The following SLCO1C1 variants were observed in gnomAD, a reference collection of about 807,000 sequenced individuals.
SLCO1C1 encodes solute carrier organic anion transporter family member 1C1.
A neutral mutation model predicts 76.4 loss-of-function variants in SLCO1C1; 70 were observed. That is an observed-to-expected ratio of 0.92 (90% CI 0.76 to 1.12). The LOEUF (loss-of-function observed/expected upper bound fraction) is 1.12, where lower values mean the gene tolerates loss of function less well. Among genes scored for constraint, SLCO1C1 ranks in the 50% most tolerant of loss-of-function variants. SLCO1C1 has a pLI of 0.00. For missense variants in SLCO1C1, 912 were observed against 823.8 expected, an observed-to-expected ratio of 1.11 and a Z score of -1.31; for synonymous variants, 306 against 286.1, an observed-to-expected ratio of 1.07 and a Z score of -0.70.
Position 20,740,208 on chromosome 12 carries a change from G to C in SLCO1C1, c.1573G>C (p.Gly525Arg). ...GATATTTTACAACTGCACTTGTGTG[G>C]GAATTGCAGCTTCTAAATCCGGAAA... ...NIIFYNCTCV[G>R]IAASKSGNSS... The change falls in exon 12 of 15, where the codon GGA (glycine) becomes CGA (arginine). Residue 525 changes from glycine to arginine, a missense_variant. Physicochemically the swap from Gly to Arg is moderately radical, Grantham distance 125 (BLOSUM62 -2). Coordinates refer to ENST00000266509, the MANE Select transcript of SLCO1C1 (RefSeq NM_017435.5). The C allele has an allele frequency of 6.2e-7, 1 of 1,611,982 alleles. No homozygotes were observed. The highest frequency in any genetic ancestry group is 8.5e-7 in the Non-Finnish European group (1 of 1,179,314).
chr12:20,707,732 TG>T (rs1386232042), intron 4 of SLCO1C1, among the ~76,000 whole-genome samples: 1 of 152,184 alleles, frequency 6.6e-6, no homozygotes, highest in African/African-American at 2.4e-5. Flanking sequence ...TAACCAGCAA[TG>T]GTTTTGTCTT....
rs1292753494 is a variant in SLCO1C1 at position 20,715,152 on chromosome 12, C to T, written c.543C>T (p.Asp181=). Reference sequence around the variant, plus strand: ...CTTTCTTTCAAGAATGTGAAGTGGACACTAGCTCTTCCATGTGGATTTATG... The same window carrying T: ...CTTTCTTTCAAGAATGTGAAGTGGATACTAGCTCTTCCATGTGGATTTATG... ...KSKISNECEV[D]TSSSMWIYVF... The change falls in exon 6 of 15, where the codon GAC becomes GAT. Residue 181 remains aspartate (D), a synonymous_variant. Transcript: ENST00000266509. 1 of 1,614,028 alleles carries T rather than the reference C, an allele frequency of 6.2e-7. No individual in the cohort carries two copies. The highest frequency in any genetic ancestry group is 1.7e-5 in the Admixed American group (1 of 60,020).
chr12:20,706,111 C>T (rs1474949128), intron 4 of SLCO1C1, 30 bp downstream of exon 4: 3 of 1,564,306 alleles, frequency 1.9e-6, no homozygotes, highest in South Asian at 1.2e-5. Flanking sequence ...CTTTTCCTTG[C>T]CTTTCCAAAC....
chr12:20,712,168 A>G (rs11045401), intron 5 of SLCO1C1, among the ~76,000 whole-genome samples: 36,013 of 152,002 alleles, frequency 0.24, 4,555 homozygotes, highest in Non-Finnish European at 0.27. Context: ...TCTTAGATAC[A>G]TGGAAATAAC....
rs571687213 is a variant in SLCO1C1, at chr12:20,715,141, T to C, written c.532T>C (p.Cys178Arg). The change falls in exon 6 of 15, where the codon TGT becomes CGT. Residue 178 changes from cysteine to arginine, a missense_variant and splice_region_variant. Coordinates refer to ENST00000266509, the MANE Select transcript of SLCO1C1 (RefSeq NM_017435.5). ...EKSKSKISNE[C>R]EVDTSSSMWI... ...CTCTGGTTTGCCTTTCTTTCAAGAA[T>C]GTGAAGTGGACACTAGCTCTTCCAT... is the stretch of plus-strand genomic sequence containing the variant. The C allele has an allele frequency of 6.3e-5, 101 of 1,613,846 alleles. No homozygotes were observed. The South Asian group carries it at 9.1e-4, about 15-fold the overall frequency.
chr12:20,700,727 T>C (rs1342173428), intron 2 of SLCO1C1, among the ~76,000 whole-genome samples: 3 of 152,058 alleles, frequency 2.0e-5, no homozygotes, highest in African/African-American at 7.2e-5. Flanking sequence ...CCTATGAATG[T>C]TCTATCACAG....
intron 13 of SLCO1C1, among the ~76,000 whole-genome samples, chr12:20,746,171 A>G (rs2120916116): frequency 6.6e-6 from 1 of 152,334 alleles, no homozygotes; most frequent in East Asian, 1.9e-4. Flanking sequence ...AACCAATTTG[A>G]GGAGACTGGC....
At chr12:20,736,106 A>G (rs1275656792) in intron 10 of SLCO1C1, among the ~76,000 whole-genome samples, 1 of 152,122 alleles carries the variant, frequency 6.6e-6, no homozygotes, top group Non-Finnish European at 1.5e-5. Context: ...GAAATGACAT[A>G]CCATTGCAAA....
At chr12:20,748,503 C>T (rs1949149811) in intron 13 of SLCO1C1, among the ~76,000 whole-genome samples, 2 of 152,156 alleles carry the variant, frequency 1.3e-5, no homozygotes, top group Admixed American at 6.5e-5. Flanking sequence ...CATTCTCACA[C>T]TTCAGAAATT....
Position 20,723,102 on chromosome 12 carries a change from C to T in SLCO1C1, c.1034C>T (p.Ser345Leu), listed in dbSNP as rs772363775. 6.2e-7 allele frequency: 1 copy of T among 1,602,296 alleles called. No homozygotes were observed. The highest frequency in any genetic ancestry group is 8.5e-7 in the Non-Finnish European group (1 of 1,176,394). Residue 345 changes from serine (S) to leucine (L), a missense_variant, in exon 9 of 15, where the codon TCA (serine) becomes TTA (leucine). Ser to Leu is a moderately radical substitution (Grantham distance 145). Coordinates refer to ENST00000266509, the MANE Select transcript of SLCO1C1 (RefSeq NM_017435.5). Reference protein sequence around the residue: ...IMEMARDFLPSLKNLFGNPVY... With the variant: ...IMEMARDFLPLLKNLFGNPVY... ...TTTTGTTTTACAGATTTTCTTCCAT[C>T]ACTGAAGAATCTTTTTGGAAACCCA...
At chr12:20,699,922 C>A in intron 2 of SLCO1C1, 4 of 390,630 alleles carry the variant, frequency 1.0e-5, no homozygotes, top group Non-Finnish European at 1.3e-5. Context: ...AAATGCCCCC[C>A]CAAACAGAAA....
chr12:20,731,867 AT>A (rs35721843), intron 9 of SLCO1C1, among the ~76,000 whole-genome samples: 38,965 of 151,584 alleles, frequency 0.26, 5,678 homozygotes, highest in African/African-American at 0.39. Flanking sequence ...ATTGCATGAC[AT>A]TTTTTTTTAC....
Position 20,711,521 on chromosome 12 carries a change from T to C in SLCO1C1, c.529+11T>C. The C allele has an allele frequency of 6.2e-7, 1 of 1,612,066 alleles. No individual in the cohort carries two copies. The highest frequency in any genetic ancestry group is 8.5e-7 in the Non-Finnish European group (1 of 1,179,262). ...CCAAAATAAGTAACGGTAAGATCAT[T>C]TTTTTGACTTGACTAAACAAGCTTT... On this transcript the variant is annotated intron_variant, in intron 5 of 14. Coordinates refer to ENST00000266509, the MANE Select transcript of SLCO1C1 (RefSeq NM_017435.5).
Position 20,737,247 on chromosome 12 carries a change from C to A in SLCO1C1, c.1523C>A (p.Thr508Asn). ...TCAGCTTGTCTTGCTGGTTGTCAAA[C>A]CTCCAACAGGAGTGGAAAAAATATT... ...YVSACLAGCQ[T>N]SNRSGKNIIF... is the part of the protein sequence containing the mutation. The change falls in exon 11 of 15, where the codon ACC (threonine) becomes AAC (asparagine). Residue 508 changes from threonine to asparagine, a missense_variant. Transcript: ENST00000266509. The A allele has an allele frequency of 6.4e-7, 1 of 1,565,594 alleles. No homozygotes were observed. The highest frequency in any genetic ancestry group is 1.2e-5 in the South Asian group (1 of 82,126).
rs543682868 is a variant in SLCO1C1 at position 20,716,980 on chromosome 12, G to A, written c.677-152G>A. 13 of 608,508 alleles carry A rather than the reference G, an allele frequency of 2.1e-5. No homozygotes were observed. In the East Asian group the frequency reaches 4.1e-4, roughly 19 times the overall value. 37.7% of individuals were successfully genotyped at this position (608,508 alleles called of 1,614,324 possible). A position where few individuals can be genotyped will look rare whatever the true frequency, so the allele number is the denominator to read the frequency against. On this transcript the variant is annotated intron_variant, in intron 6 of 14. Transcript: ENST00000266509. ...CAGTGAAGGACTTATTTCCTGATTT[G>A]ATGTGGTTTTAAAGTTAACTAAACA...
At chr12:20,722,341 T>C (rs1279757563) in intron 8 of SLCO1C1, among the ~76,000 whole-genome samples, 1 of 152,240 alleles carries the variant, frequency 6.6e-6, no homozygotes, top group Non-Finnish European at 1.5e-5. Flanking sequence ...ATTCTGTGTA[T>C]ACAGGAAATA....
intron 4 of SLCO1C1, among the ~76,000 whole-genome samples, chr12:20,708,782 G>A (rs894756624): frequency 3.3e-5 from 5 of 152,084 alleles, no homozygotes; most frequent in Non-Finnish European, 7.4e-5. Context: ...ATATGTCAAC[G>A]TTGTTTCTCA....
intron 13 of SLCO1C1, 46 bp downstream of exon 13, chr12:20,743,415 A>G (rs1253458900): frequency 1.4e-6 from 2 of 1,459,956 alleles, no homozygotes. Flanking sequence ...CCGTAAGTGT[A>G]TTTTGAAGAC....
At chr12:20,750,504 T>A (rs975273974) in intron 13 of SLCO1C1, among the ~76,000 whole-genome samples, 171 bp from the exon 14 acceptor site, 2 of 152,178 alleles carry the variant, frequency 1.3e-5, no homozygotes, top group Admixed American at 1.3e-4. Flanking sequence ...ATTCTGGAGC[T>A]TATGAGAAAA....
Sources: gnomAD v4.1 joint callset for allele counts (sites outside exome capture counted in the v4.1 genomes callset) on GRCh38, gnomAD v4.1.1 for gene constraint, MANE v1.5 for transcripts, NCBI Gene and HGNC (gene_info 2026-07-23, HGNC 2026-07-21) for gene names.